The following CHST15 variants were observed in gnomAD, a reference collection of about 807,000 sequenced individuals.
CHST15 encodes the protein B cell RAG associated protein (GALNAC4S-6ST).
A neutral mutation model predicts 53.6 loss-of-function variants in CHST15; 30 were observed. The observed-to-expected ratio is 0.56, with a 90% CI of 0.42 to 0.76. The LOEUF (loss-of-function observed/expected upper bound fraction) is 0.76. Ranked by LOEUF, CHST15 falls within the 30% of genes least tolerant of loss-of-function variation. The pLI is 0.00. For synonymous variants in CHST15, 296 were observed against 289.8 expected (o/e 1.02, Z -0.22); for missense variants, 627 against 740.5 (o/e 0.85, Z 1.78).
chr10:124,010,204 TTGAAG>T lies in CHST15; in HGVS notation c.1626_1630del (p.Phe543ArgfsTer2). 6.2e-7 allele frequency: 1 copy of T among 1,614,022 alleles called. No individual in the cohort carries two copies. The highest frequency in any genetic ancestry group is 8.5e-7 in the Non-Finnish European group (1 of 1,180,050). The stretch of plus-strand genomic sequence containing the variant: ...CGCGAGGACCTGCGCCAGCCTAGCG[TTGAAG>T]GGCCTGTAGAAATCCCGCAGAATCT... On this transcript the variant is annotated frameshift_variant, in exon 8 of 8. Transcript: ENST00000435907. LOFTEE classifies it high-confidence loss of function.
chr10:124,069,049 T>C (rs904810687), intron 1 of CHST15, among the ~76,000 whole-genome samples: 20 of 152,200 alleles, frequency 1.3e-4, no homozygotes, highest in African/African-American at 4.1e-4. Context: ...CAGACAGGAC[T>C]AGGCAGGATG....
Position 124,044,719 on chromosome 10 carries a change from G to C in CHST15, c.747C>G (p.Arg249=). The C allele has an allele frequency of 6.2e-7, 1 of 1,613,796 alleles. No homozygotes were observed. Among genetic ancestry groups the C allele is most frequent in the South Asian group, 1.1e-5 (1 of 91,070 alleles). ...HLAHAHGKHF[R]LRCLPHFYII... ...TGTAGAAGTGCGGCAGGCAGCGCAG[G>C]CGGAAGTGCTTCCCGTGCGCGTGCG... is the stretch of plus-strand genomic sequence containing the variant. The change falls in exon 3 of 8, where the codon CGC becomes CGG. Residue 249 remains arginine, a synonymous_variant. Transcript: ENST00000435907.
At chr10:124,048,167 T>A (rs1196232199) in intron 1 of CHST15, among the ~76,000 whole-genome samples, 2 of 152,222 alleles carry the variant, frequency 1.3e-5, no homozygotes, top group Non-Finnish European at 2.9e-5. Flanking sequence ...TTGCCGTTGG[T>A]GAGTGTTCTG....
intron 6 of CHST15, among the ~76,000 whole-genome samples, chr10:124,013,545 A>C (rs1370683441): frequency 6.6e-6 from 1 of 152,198 alleles, no homozygotes; most frequent in Non-Finnish European, 1.5e-5. Context: ...AATAAATCAT[A>C]ACCAATAGTG....
chr10:124,057,442 G>A (rs1438747182), intron 1 of CHST15, among the ~76,000 whole-genome samples: 1 of 152,158 alleles, frequency 6.6e-6, no homozygotes, highest in African/African-American at 2.4e-5. Context: ...TATGTGCAGG[G>A]CTTGCATTTG....
intron 7 of CHST15, chr10:124,010,888 A>C (rs1272920258): frequency 4.6e-5 from 45 of 985,292 alleles, no homozygotes; most frequent in Non-Finnish European, 5.3e-5. Context: ...CAGAGCCCCC[A>C]CTGGCTGAAC....
rs763327088 is a variant in CHST15, at chr10:124,040,702, TC to T, written c.1033+1598del. 3.9e-5 allele frequency among the ~76,000 whole-genome samples: 6 copies of T among 152,124 alleles called. No homozygotes were observed. The East Asian group carries it at 7.7e-4, about 20-fold the overall frequency. On this transcript the variant is annotated intron_variant, in intron 4 of 7. Coordinates refer to ENST00000435907, the MANE Select transcript of CHST15 (RefSeq NM_001270764.2). ...CCACTTTGCAGAGGTGCAGACAGAG[TC>T]CAGGAACAGGAAAAATGAACGGCCG... is the stretch of plus-strand genomic sequence containing the variant.
intron 1 of CHST15, among the ~76,000 whole-genome samples, chr10:124,090,285 TC>T (rs2134269662): frequency 6.6e-6 from 1 of 152,242 alleles, no homozygotes; most frequent in South Asian, 2.1e-4. Context: ...GACACTGTTT[TC>T]CCCCCAACTG....
intron 1 of CHST15, among the ~76,000 whole-genome samples, chr10:124,065,569 A>G (rs897640520): frequency 4.6e-5 from 7 of 151,984 alleles, no homozygotes; most frequent in African/African-American, 1.7e-4. Flanking sequence ...GGTTCCCGAC[A>G]CCCACAGAGA....
intron 6 of CHST15, among the ~76,000 whole-genome samples, chr10:124,014,496 C>T (rs1295707458): frequency 6.6e-6 from 1 of 152,192 alleles, no homozygotes; most frequent in East Asian, 1.9e-4. Context: ...AGAAAAAAGA[C>T]CTCAAGCTGG....
intron 1 of CHST15, among the ~76,000 whole-genome samples, chr10:124,048,539 A>G (rs1948079807): frequency 6.6e-6 from 1 of 152,330 alleles, no homozygotes; most frequent in South Asian, 2.1e-4. Flanking sequence ...CCTCTGCTTC[A>G]AACTTGCTCA....
intron 6 of CHST15, among the ~76,000 whole-genome samples, chr10:124,014,201 C>A (rs935975759): frequency 1.3e-5 from 2 of 152,184 alleles, no homozygotes; most frequent in African/African-American, 2.4e-5. Context: ...GGACCTTGAC[C>A]TTGAGGGCAG....
chr10:124,088,348 T>G (rs1158066382), intron 1 of CHST15, among the ~76,000 whole-genome samples: 1 of 152,234 alleles, frequency 6.6e-6, no homozygotes, highest in Non-Finnish European at 1.5e-5. Context: ...CTGTGCTCTG[T>G]GCTGAGCGCT....
intron 1 of CHST15, among the ~76,000 whole-genome samples, chr10:124,086,620 C>G (rs377735120): frequency 6.6e-6 from 1 of 152,156 alleles, no homozygotes; most frequent in East Asian, 1.9e-4. Context: ...CAGCTGCAGT[C>G]GGGAACAGCC....
intron 6 of CHST15, among the ~76,000 whole-genome samples, chr10:124,015,591 C>T (rs1946562420): frequency 6.6e-6 from 1 of 152,118 alleles, no homozygotes; most frequent in Admixed American, 6.5e-5. Context: ...GCCTCTCCGT[C>T]CCCTACTAGG....
rs1290860631 is a variant in CHST15, at chr10:124,019,211, G to A, written c.1347+2045C>T. On this transcript the variant is annotated intron_variant, in intron 6 of 7. Coordinates refer to ENST00000435907, the MANE Select transcript of CHST15 (RefSeq NM_001270764.2). This position sits in a 1 kb window ranked among gnomAD's most constrained non-coding sequence, Gnocchi z 4.6. The stretch of plus-strand genomic sequence containing the variant: ...CCCTCTCTGCTCAGCATCATGATCA[G>A]TGCTGGAAGAAACCACAACCCCACC... 6.6e-6 allele frequency among the ~76,000 whole-genome samples: 1 copy of A among 152,174 alleles called. No individual in the cohort carries two copies. Among genetic ancestry groups the A allele is most frequent in the Non-Finnish European group, 1.5e-5 (1 of 68,032 alleles).
intron 5 of CHST15, among the ~76,000 whole-genome samples, chr10:124,026,248 G>A (rs546139090): frequency 2.2e-4 from 34 of 152,276 alleles, no homozygotes; most frequent in African/African-American, 6.3e-4. Context: ...GGGGAGCACT[G>A]AGACGGGGGA....
At chr10:124,061,252 A>G (rs1297067753) in intron 1 of CHST15, among the ~76,000 whole-genome samples, 3 of 152,118 alleles carry the variant, frequency 2.0e-5, no homozygotes, top group Non-Finnish European at 2.9e-5. Context: ...CAGAATTCCC[A>G]CGTGTTGTGG....
At chr10:124,021,056 A>C (rs1023709869) in intron 6 of CHST15, 200 bp downstream of exon 6, 7 of 1,440,924 alleles carry the variant, frequency 4.9e-6, no homozygotes, top group Non-Finnish European at 6.4e-6. Context: ...AGCAGGGAGG[A>C]AGGCAGGAGC....
Sources: allele counts gnomAD v4.1 joint callset (sites outside exome capture counted in the v4.1 genomes callset), GRCh38; gene constraint gnomAD v4.1.1; non-coding constraint Gnocchi (gnomAD v3.1); transcripts MANE v1.5; gene names NCBI Gene and HGNC (gene_info 2026-07-23, HGNC 2026-07-21).